The following PRKCQ variants were observed in gnomAD, a reference collection of about 807,000 sequenced individuals.
The protein encoded by PRKCQ is protein kinase C theta.
Under a neutral mutation model 91.2 loss-of-function variants are expected in PRKCQ, and 41 were observed. That is an observed-to-expected ratio of 0.45 (90% confidence interval 0.35 to 0.58). PRKCQ has a LOEUF of 0.58. Ranked by LOEUF, PRKCQ falls within the 20% of genes least tolerant of loss-of-function variation. PRKCQ has a pLI of 0.00. For synonymous variants in PRKCQ, 307 were observed against 316.9 expected, an observed-to-expected ratio of 0.97 and a Z score of 0.33; for missense variants, 673 against 896.5, an observed-to-expected ratio of 0.75 and a Z score of 3.18.
chr10:6,538,252 C>T lies in PRKCQ; in HGVS notation c.-9-23108G>A, dbSNP rs537558419. Among the ~76,000 whole-genome samples the T allele has an allele frequency of 3.9e-5, 6 of 152,364 alleles. 1 individual carries two copies. Among genetic ancestry groups the T allele is most frequent in the African/African-American group, 1.4e-4 (6 of 41,598 alleles). On this transcript the variant is annotated intron_variant, in intron 1 of 17. Transcript: ENST00000263125. ...GGACTGGAGCCTGGAGGTGGGTGAG[C>T]TTGGAGGCGGCATTGTCAGAAGACG...
At chr10:6,489,877 G>T (rs1352670142) in intron 8 of PRKCQ, among the ~76,000 whole-genome samples, 1 of 152,096 alleles carries the variant, frequency 6.6e-6, no homozygotes, top group Non-Finnish European at 1.5e-5. Flanking sequence ...GAACCCCTGG[G>T]AAGTTCTAAG....
the PRKCQ span, among the ~76,000 whole-genome samples, chr10:6,419,592 T>C: frequency 6.6e-6 from 1 of 152,288 alleles, no homozygotes; most frequent in Non-Finnish European, 1.5e-5. Flanking sequence ...CTGGACAAAG[T>C]ATTCTTTTAT....
chr10:6,505,078 A>C (rs1448625941), intron 4 of PRKCQ, among the ~76,000 whole-genome samples: 1 of 152,032 alleles, frequency 6.6e-6, no homozygotes, highest in Admixed American at 6.6e-5. Context: ...TATTTTTAGT[A>C]GAGACGGGGT....
intron 4 of PRKCQ, among the ~76,000 whole-genome samples, chr10:6,507,178 A>G (rs572700654): frequency 1.3e-5 from 2 of 152,258 alleles, no homozygotes; most frequent in Non-Finnish European, 2.9e-5. Flanking sequence ...AACTAAAGAC[A>G]GAGTATAAGA....
the PRKCQ span, among the ~76,000 whole-genome samples, chr10:6,399,810 A>G: frequency 6.6e-6 from 1 of 152,104 alleles, no homozygotes; most frequent in Non-Finnish European, 1.5e-5. Flanking sequence ...GGCAGAACAG[A>G]GATGTGGCCT....
chr10:6,526,236 A>G (rs1202276158), intron 1 of PRKCQ, among the ~76,000 whole-genome samples: 2 of 152,162 alleles, frequency 1.3e-5, no homozygotes, highest in African/African-American at 4.8e-5. Context: ...TTCTATGATT[A>G]CAGTATCCAC....
chr10:6,409,173 G>A, the PRKCQ span, among the ~76,000 whole-genome samples: 1 of 152,232 alleles, frequency 6.6e-6, no homozygotes, highest in African/African-American at 2.4e-5. Context: ...GCCCAAGGAG[G>A]ACAGTGGAAA....
intron 15 of PRKCQ, among the ~76,000 whole-genome samples, chr10:6,454,051 C>A (rs904443414): frequency 6.6e-6 from 1 of 151,868 alleles, no homozygotes; most frequent in African/African-American, 2.4e-5. Flanking sequence ...TGCACATGTA[C>A]CCTAAAACTT....
chr10:6,496,909 G>T, intron 7 of PRKCQ, 126 bp downstream of exon 7: 2 of 853,490 alleles, frequency 2.3e-6, no homozygotes, highest in South Asian at 1.5e-5. Context: ...GAGTTTTGGG[G>T]AGATGGATGT....
At chr10:6,433,441 T>G (rs1833517190) in intron 16 of PRKCQ, among the ~76,000 whole-genome samples, 1 of 152,190 alleles carries the variant, frequency 6.6e-6, no homozygotes, top group African/African-American at 2.4e-5. Flanking sequence ...ACAACATAGA[T>G]GCTCAGTAGA....
chr10:6,559,556 G>A (rs1460872242), intron 1 of PRKCQ, among the ~76,000 whole-genome samples: 4 of 151,938 alleles, frequency 2.6e-5, no homozygotes, highest in Non-Finnish European at 4.4e-5. Context: ...ATGGGATTTC[G>A]CCAAGTTGGC....
At chr10:6,568,236 CAAAACA>C (rs896550820) in intron 1 of PRKCQ, among the ~76,000 whole-genome samples, 21 of 151,718 alleles carry the variant, frequency 1.4e-4, no homozygotes, top group African/African-American at 4.4e-4. Flanking sequence ...AAAAACAAAA[CAAAACA>C]AAAACAAAAA....
chr10:6,490,210 C>T (rs147881858), intron 8 of PRKCQ, among the ~76,000 whole-genome samples: 1 of 152,102 alleles, frequency 6.6e-6, no homozygotes, highest in Non-Finnish European at 1.5e-5. Flanking sequence ...GATTTGAAAA[C>T]CTAACCCCTC....
chr10:6,491,586 T>C, intron 8 of PRKCQ, 97 bp downstream of exon 8: 1 of 1,497,994 alleles, frequency 6.7e-7, no homozygotes, highest in Non-Finnish European at 9.0e-7. Context: ...GGTGTGGAAG[T>C]GGTACCCCCT....
intron 8 of PRKCQ, chr10:6,489,275 G>A (rs941158762): frequency 2.2e-6 from 1 of 461,706 alleles, no homozygotes; most frequent in African/African-American, 2.0e-5. Flanking sequence ...GAACATAGAG[G>A]GATGGAGTTT....
chr10:6,467,331 C>CAGAGAG (rs1564324023), intron 12 of PRKCQ, among the ~76,000 whole-genome samples: 1 of 107,086 alleles, frequency 9.3e-6, no homozygotes, highest in African/African-American at 3.6e-5. Flanking sequence ...CAGAGAGAGA[C>CAGAGAG]AGACAGAGAG....
chr10:6,457,465 A>G (rs1395630987), intron 14 of PRKCQ, among the ~76,000 whole-genome samples: 1 of 152,206 alleles, frequency 6.6e-6, no homozygotes, highest in East Asian at 1.9e-4. Context: ...GAAAAAAATG[A>G]CATCAAGTTT....
At chr10:6,444,195 C>T (rs1381676151) in intron 15 of PRKCQ, among the ~76,000 whole-genome samples, 5 of 152,072 alleles carry the variant, frequency 3.3e-5, no homozygotes, top group African/African-American at 9.7e-5. Context: ...CTCAGCCTCC[C>T]GAGTAGCTGG....
intron 14 of PRKCQ, among the ~76,000 whole-genome samples, chr10:6,460,688 G>A (rs1038304528): frequency 3.9e-5 from 6 of 152,038 alleles, no homozygotes; most frequent in Non-Finnish European, 7.4e-5. Flanking sequence ...GACAGGATTT[G>A]TCATGTCGGC....
Sources: gnomAD v4.1 joint callset for allele counts (sites outside exome capture counted in the v4.1 genomes callset) on GRCh38, gnomAD v4.1.1 for gene constraint, MANE v1.5 for transcripts, NCBI Gene and HGNC (gene_info 2026-07-23, HGNC 2026-07-21) for gene names.